The following METTL15 variants were observed in gnomAD, a reference collection of about 807,000 sequenced individuals.
METTL15 encodes 12S rRNA N(4)-cytidine methyltransferase METTL15.
Under a neutral mutation model 38.3 loss-of-function variants are expected in METTL15, and 34 were observed. The observed-to-expected ratio is 0.89, with a 90% CI of 0.68 to 1.18. METTL15 has a LOEUF of 1.18. METTL15 is among the 50% of genes most tolerant of loss of function. The pLI, the probability that METTL15 is intolerant of heterozygous loss-of-function variation, is 0.00. For missense variants in METTL15, 438 were observed against 498.4 expected (o/e 0.88, Z 1.15); for synonymous variants, 162 against 170.9 (o/e 0.95, Z 0.41).
At chr11:28,505,190 GT>G (rs1010586916) in intron 6 of METTL15, among the ~76,000 whole-genome samples, 3 of 151,894 alleles carry the variant, frequency 2.0e-5, no homozygotes, top group South Asian at 2.1e-4. Flanking sequence ...GTGTATGTGT[GT>G]TTTTTTTAAC....
intron 6 of METTL15, among the ~76,000 whole-genome samples, chr11:28,440,604 T>C (rs1028474816): frequency 6.6e-6 from 1 of 152,224 alleles, no homozygotes; most frequent in African/African-American, 2.4e-5. Context: ...ATAATGTTCA[T>C]AGCACTTACT....
chr11:28,273,534 A>C (rs1855727500), intron 4 of METTL15, among the ~76,000 whole-genome samples: 1 of 152,096 alleles, frequency 6.6e-6, no homozygotes, highest in African/African-American at 2.4e-5. Flanking sequence ...GTGCACCTAG[A>C]GCTGTAGTTA....
intron 6 of METTL15, among the ~76,000 whole-genome samples, chr11:28,430,256 G>A (rs1424043995): frequency 2.6e-4 from 38 of 145,666 alleles, no homozygotes; most frequent in Admixed American, 6.8e-4. Flanking sequence ...CAGGCCAGCC[G>A]CCCCATCCGG....
At chr11:28,258,863 C>G (rs1310363879) in intron 4 of METTL15, among the ~76,000 whole-genome samples, 2 of 152,156 alleles carry the variant, frequency 1.3e-5, no homozygotes, top group African/African-American at 4.8e-5. Flanking sequence ...ACTTGCTACT[C>G]TGCCCTCCTG....
At chr11:28,392,781 T>C (rs1372189573) in intron 5 of METTL15, among the ~76,000 whole-genome samples, 1 of 151,836 alleles carries the variant, frequency 6.6e-6, no homozygotes, top group African/African-American at 2.4e-5. Flanking sequence ...ATCCAGAATA[T>C]ATAAAGATCT....
At chr11:28,506,622 A>T (rs935267687) in intron 6 of METTL15, among the ~76,000 whole-genome samples, 1 of 151,314 alleles carries the variant, frequency 6.6e-6, no homozygotes, top group African/African-American at 2.4e-5. Flanking sequence ...ACTTGAGATT[A>T]TGTATTCTGT....
At chr11:28,317,960 G>T (rs1038682022) in intron 6 of METTL15, among the ~76,000 whole-genome samples, 6 of 152,054 alleles carry the variant, frequency 3.9e-5, no homozygotes, top group Admixed American at 6.5e-5. Context: ...AAGTTTTTTT[G>T]GGGTGATATC....
At chr11:28,496,153 A>C (rs776474291) in intron 6 of METTL15, among the ~76,000 whole-genome samples, 4 of 152,260 alleles carry the variant, frequency 2.6e-5, no homozygotes, top group African/African-American at 4.8e-5. Flanking sequence ...TTACAAAAGA[A>C]AAAGGTTTAA....
Position 28,145,019 on chromosome 11 carries a change from C to T in METTL15, c.270+31415C>T, listed in dbSNP as rs1849830183. ...TTAACTGTCAGCTGTTAGAAGCTAG[C>T]AGTGTAAGCACTGTTGACTATTTTT... is the stretch of plus-strand genomic sequence containing the variant. On this transcript the variant is annotated intron_variant, in intron 3 of 6. Coordinates refer to ENST00000407364, the MANE Select transcript of METTL15 (RefSeq NM_001113528.2). The T allele has an allele frequency of 2.6e-5, 5 of 195,604 alleles. No homozygotes were observed. The South Asian group carries it at 5.9e-4, about 23-fold the overall frequency. The allele number at this position is 195,604 out of a possible 1,614,324, so 12.1% of individuals were successfully genotyped here. A position where few individuals can be genotyped will look rare whatever the true frequency, so the allele number is the denominator to read the frequency against.
intron 3 of METTL15, among the ~76,000 whole-genome samples, chr11:28,129,949 C>T (rs141786393): frequency 1.2e-3 from 177 of 152,044 alleles, no homozygotes; most frequent in African/African-American, 2.5e-3. Flanking sequence ...TCACCTAAAT[C>T]TATAATTGAT....
chr11:28,473,785 T>C (rs1467006919), intron 6 of METTL15, among the ~76,000 whole-genome samples: 5 of 152,052 alleles, frequency 3.3e-5, no homozygotes, highest in African/African-American at 1.2e-4. Context: ...CTCACACTCA[T>C]CTAATGCTAA....
intron 6 of METTL15, among the ~76,000 whole-genome samples, chr11:28,479,143 A>G (rs940259516): frequency 1.3e-5 from 2 of 152,022 alleles, no homozygotes; most frequent in Non-Finnish European, 2.9e-5. Context: ...AGTTGAACTA[A>G]GAATAAAGGA....
At chr11:28,321,794 A>G (rs1849479698) in intron 6 of METTL15, among the ~76,000 whole-genome samples, 2 of 152,044 alleles carry the variant, frequency 1.3e-5, no homozygotes, top group African/African-American at 4.8e-5. Context: ...CCTGATAGCA[A>G]AACTTACTGG....
intron 6 of METTL15, among the ~76,000 whole-genome samples, chr11:28,453,777 C>T (rs1183862033): frequency 1.3e-5 from 2 of 152,142 alleles, no homozygotes; most frequent in East Asian, 1.9e-4. Context: ...TCACTATGTG[C>T]GAGTACTACA....
intron 5 of METTL15, among the ~76,000 whole-genome samples, chr11:28,374,349 G>A (rs144481396): frequency 0.038 from 5,821 of 151,964 alleles, 374 homozygotes; most frequent in African/African-American, 0.13. Context: ...ATTGAGCAGC[G>A]GTTTGTAGCT....
intron 5 of METTL15, among the ~76,000 whole-genome samples, chr11:28,397,481 T>C (rs1457142257): frequency 8.5e-5 from 13 of 152,064 alleles, no homozygotes; most frequent in Admixed American, 7.2e-4. Context: ...AAAAGACACA[T>C]GAAAAAATGC....
In METTL15 at chr11:28,333,365, A is replaced by G. The variant is rs537060521; in HGVS notation, c.*2524A>G. 77 of 152,334 alleles carry G rather than the reference A, an allele frequency of 5.1e-4. No homozygotes were observed. Among genetic ancestry groups the G allele is most frequent in the African/African-American group, 1.7e-3 (72 of 41,580 alleles). The allele number at this position is 152,334 out of a possible 1,614,324, so 9.4% of individuals were successfully genotyped here. A position where few individuals can be genotyped will look rare whatever the true frequency, so the allele number is the denominator to read the frequency against. On this transcript the variant is annotated 3_prime_UTR_variant, in exon 7 of 7. Coordinates refer to ENST00000407364, the MANE Select transcript of METTL15 (RefSeq NM_001113528.2). ...TTGCCTGCTTCTTAGTCTTTGTTGT[A>G]GGATGCATAATAAAATACATGAATG...
chr11:28,115,003 GAT>G (rs920657492), intron 3 of METTL15, among the ~76,000 whole-genome samples: 3 of 152,162 alleles, frequency 2.0e-5, no homozygotes, highest in Non-Finnish European at 2.9e-5. Context: ...TGGAGACAAA[GAT>G]ATGAATCTGA....
Position 28,511,536 on chromosome 11 carries a change from T to G in METTL15, c.*425-14942T>G, listed in dbSNP as rs185251931. Among the ~76,000 whole-genome samples, 9 of 152,266 alleles carry G rather than the reference T, an allele frequency of 5.9e-5. No homozygotes were observed. The East Asian group carries it at 1.7e-3, about 29-fold the overall frequency. ...GTCCGGAGTTTGTTCCTTCTGATGT[T>G]CGGATGTCTTCAGAGTTTCTTCCTT... is the stretch of plus-strand genomic sequence containing the variant. On this transcript the variant is annotated intron_variant and NMD_transcript_variant, in intron 6 of 7. Coordinates refer to the METTL15 transcript ENST00000532947.
Sources: gnomAD v4.1 joint callset for allele counts (sites outside exome capture counted in the v4.1 genomes callset) on GRCh38, gnomAD v4.1.1 for gene constraint, MANE v1.5 for transcripts, NCBI Gene and HGNC (gene_info 2026-07-23, HGNC 2026-07-21) for gene names.